The following MASTL variants were observed in gnomAD, a reference collection of about 807,000 sequenced individuals.
MASTL encodes serine/threonine-protein kinase greatwall.
A neutral mutation model predicts 82.5 loss-of-function variants in MASTL; 54 were observed. That is an observed-to-expected ratio of 0.65 (90% confidence interval 0.53 to 0.82). The LOEUF (loss-of-function observed/expected upper bound fraction) is 0.82, where lower values mean the gene tolerates loss of function less well. MASTL is among the 40% of genes least tolerant of loss of function. The pLI, the probability that MASTL is intolerant of heterozygous loss-of-function variation, is 0.00. For synonymous variants in MASTL, 323 were observed against 368.9 expected, an observed-to-expected ratio of 0.88 and a Z score of 1.43; for missense variants, 950 against 1,047.8, an observed-to-expected ratio of 0.91 and a Z score of 1.29.
chr10:27,165,082 T>G lies in MASTL; in HGVS notation c.572T>G (p.Ile191Ser). Residue 191 changes from isoleucine to serine, a missense_variant, in exon 5 of 12, where the codon ATC (isoleucine) becomes AGC (serine). Ile to Ser is a moderately radical substitution (Grantham distance 142). Transcript: ENST00000375940. Reference sequence around the variant, plus strand: ...TACATAGATATTAATATGATGGATATCCTTACAACACCATCAATGGCAAAA... The same window carrying G: ...TACATAGATATTAATATGATGGATAGCCTTACAACACCATCAATGGCAAAA... ...TLNRDINMMDILTTPSMAKPR... is the reference protein window; with the variant it reads ...TLNRDINMMDSLTTPSMAKPR... The G allele has an allele frequency of 1.2e-6, 2 of 1,602,742 alleles. No homozygotes were observed. Among genetic ancestry groups the G allele is most frequent in the Non-Finnish European group, 1.7e-6 (2 of 1,169,672 alleles).
At chr10:27,184,106 T>C (rs531393669) in intron 11 of MASTL, among the ~76,000 whole-genome samples, 1 of 152,308 alleles carries the variant, frequency 6.6e-6, no homozygotes, top group South Asian at 2.1e-4. Context: ...CTAGGGATGA[T>C]CTAGACTCAG....
intron 4 of MASTL, among the ~76,000 whole-genome samples, chr10:27,163,532 C>G (rs577757119): frequency 6.6e-6 from 1 of 151,660 alleles, no homozygotes; most frequent in Non-Finnish European, 1.5e-5. Context: ...ATATCATATA[C>G]GTGTATTATT....
intron 8 of MASTL, among the ~76,000 whole-genome samples, chr10:27,171,658 CGT>C (rs2057943484): frequency 6.6e-6 from 1 of 151,486 alleles, no homozygotes; most frequent in Non-Finnish European, 1.5e-5. Context: ...ATCTCAAACT[CGT>C]GACCTCAAGC....
chr10:27,169,853 G>T, intron 7 of MASTL, 91 bp from the exon 8 acceptor site: 1 of 1,257,648 alleles, frequency 8.0e-7, no homozygotes, highest in Non-Finnish European at 1.1e-6. Context: ...ATAGTTTATG[G>T]GGTCATTTAT....
At chr10:27,184,557 T>TC (rs1269474645) in intron 11 of MASTL, among the ~76,000 whole-genome samples, 23 of 130,332 alleles carry the variant, frequency 1.8e-4, no homozygotes, top group Middle Eastern at 3.3e-3. Flanking sequence ...AAGAAGGATT[T>TC]TTTTTTTTTT....
intron 1 of MASTL, among the ~76,000 whole-genome samples, chr10:27,157,867 A>C (rs2057445641): frequency 6.6e-6 from 1 of 152,034 alleles, no homozygotes; most frequent in Non-Finnish European, 1.5e-5. Flanking sequence ...AAAAATCAGA[A>C]GTTAAAAAAA....
In MASTL at chr10:27,165,114, C is replaced by G; in HGVS notation, c.604C>G (p.Gln202Glu). The stretch of plus-strand genomic sequence containing the variant: ...AACACCATCAATGGCAAAACCTAGA[C>G]AAGATTATTCAAGAACCCCAGGACA... ...LTTPSMAKPR[Q>E]DYSRTPGQVL... Residue 202 changes from glutamine to glutamate, a missense_variant, in exon 5 of 12, where the codon CAA (glutamine) becomes GAA (glutamate). By Grantham distance (29) the Gln-to-Glu change is conservative. Coordinates refer to ENST00000375940, the MANE Select transcript of MASTL (RefSeq NM_001172303.3). 1 of 1,613,342 alleles carries G rather than the reference C, an allele frequency of 6.2e-7. No homozygotes were observed. Among genetic ancestry groups the G allele is most frequent in the African/African-American group, 1.3e-5 (1 of 74,974 alleles).
upstream of MASTL, chr10:27,155,094 G>A (rs2135927284): frequency 3.1e-6 from 1 of 317,796 alleles, no homozygotes; most frequent in Non-Finnish European, 6.0e-6. Flanking sequence ...GGGAAGCCAG[G>A]AGAAATCTCT....
Position 27,167,098 on chromosome 10 carries a change from A to C in MASTL, c.812-4A>C, listed in dbSNP as rs372388303. 6.2e-7 allele frequency: 1 copy of C among 1,610,972 alleles called. No individual in the cohort carries two copies. ...TGGAATTCAATATTGTCTCTTCTCT[A>C]TAGGTCTTGAAACAGTTGCCTCCAA... is the stretch of plus-strand genomic sequence containing the variant. On this transcript the variant is annotated splice_polypyrimidine_tract_variant and splice_region_variant and intron_variant, in intron 6 of 11. Transcript: ENST00000375940.
intron 8 of MASTL, 61 bp downstream of exon 8, chr10:27,171,144 T>G (rs2057920560): frequency 7.1e-7 from 1 of 1,405,966 alleles, no homozygotes; most frequent in South Asian, 1.2e-5. Flanking sequence ...AAGACAGACA[T>G]TTGCCTCTAA....
At chr10:27,175,334 C>CA (rs1432016633) in intron 9 of MASTL, among the ~76,000 whole-genome samples, 1 of 152,072 alleles carries the variant, frequency 6.6e-6, no homozygotes, top group Non-Finnish European at 1.5e-5. Context: ...AGGCATGCGC[C>CA]ACCATGCCCG....
chr10:27,182,803 A>G (rs1197456414), intron 11 of MASTL, among the ~76,000 whole-genome samples: 1 of 147,578 alleles, frequency 6.8e-6, no homozygotes, highest in Non-Finnish European at 1.5e-5. Context: ...TTTTTTTAAC[A>G]TACGTTATTA....
At chr10:27,158,450 T>G in intron 1 of MASTL, 99 bp from the exon 2 acceptor site, 1 of 960,054 alleles carries the variant, frequency 1.0e-6, no homozygotes, top group Non-Finnish European at 1.6e-6. Context: ...AAGGCTGCAA[T>G]AAGCTTTGAT....
At position 27,159,716 on chromosome 10, in the gene MASTL, C is replaced by T; in HGVS notation, c.422C>T (p.Ala141Val). 3 of 1,610,668 alleles carry T rather than the reference C, an allele frequency of 1.9e-6. No individual in the cohort carries two copies. The highest frequency in any genetic ancestry group is 2.5e-6 in the Non-Finnish European group (3 of 1,177,074). Residue 141 changes from alanine (A) to valine (V), a missense_variant, in exon 3 of 12, where the codon GCA (alanine) becomes GTA (valine). Physicochemically the swap from Ala to Val is moderately conservative, Grantham distance 64 (BLOSUM62 0). Coordinates refer to ENST00000375940, the MANE Select transcript of MASTL (RefSeq NM_001172303.3). The surrounding 1 kb of genome is among the most constrained non-coding windows in gnomAD (Gnocchi z 4.0). Reference protein sequence around the residue: ...EMAVKYISEVALALDYLHRHG... With the variant: ...EMAVKYISEVVLALDYLHRHG... ...GCTGTGAAATATATTTCTGAAGTAG[C>T]ACTGGCTCTAGACTACCTTCACAGA...
Position 27,171,093 on chromosome 10 carries a change from T to A in MASTL, c.2124+10T>A. 6.2e-7 allele frequency: 1 copy of A among 1,611,772 alleles called. No homozygotes were observed. Among genetic ancestry groups the A allele is most frequent in the Middle Eastern group, 1.6e-4 (1 of 6,062 alleles). ...CTGTATGCCACATCAGGTATATTTA[T>A]AACTTTCTAATACTGTTTTTTGGAT... On this transcript the variant is annotated intron_variant, in intron 8 of 11. Transcript: ENST00000375940.
chr10:27,163,636 T>C (rs2057645596), intron 4 of MASTL, among the ~76,000 whole-genome samples: 3 of 147,524 alleles, frequency 2.0e-5, no homozygotes, highest in Admixed American at 6.9e-5. Context: ...TTTTTTTTTT[T>C]CTTTGAGACA....
chr10:27,185,618 CAAAAAAA>C lies in MASTL; in HGVS notation c.2483-747_2483-741del, dbSNP rs34847161. Among the ~76,000 whole-genome samples the C allele has an allele frequency of 2.5e-4, 25 of 98,554 alleles. No individual in the cohort carries two copies. In the South Asian group the frequency reaches 4.4e-3, roughly 17 times the overall value. The allele number at this position is 98,554 out of a possible 152,430, so 64.7% of individuals were successfully genotyped here. On this transcript the variant is annotated intron_variant, in intron 11 of 11. Transcript: ENST00000375940. The stretch of plus-strand genomic sequence containing the variant: ...ATTGCACTCCAGCCTAGGTGACAGA[CAAAAAAA>C]AAAAAAAAAAAAATTAGCCAGGCAT...
chr10:27,176,450 A>G lies in MASTL; in HGVS notation c.2266+3191A>G, dbSNP rs560034011. Among the ~76,000 whole-genome samples, 74 of 152,320 alleles carry G rather than the reference A, an allele frequency of 4.9e-4. 3 individuals carry two copies. In the South Asian group the frequency reaches 0.015, roughly 31 times the overall value. ...AGTGGCTCCCTCTTAGCTGCTAAGT[A>G]AAATCCAAATTGATCACGACATTTG... On this transcript the variant is annotated intron_variant, in intron 9 of 11. Coordinates refer to ENST00000375940, the MANE Select transcript of MASTL (RefSeq NM_001172303.3).
In MASTL at chr10:27,159,830, T is replaced by G. The variant is rs1163248515; in HGVS notation, c.464+72T>G. 7.6e-7 allele frequency: 1 copy of G among 1,318,290 alleles called. No individual in the cohort carries two copies. The highest frequency in any genetic ancestry group is 1.2e-5 in the South Asian group (1 of 84,846). The allele number at this position is 1,318,290 out of a possible 1,614,324, so 81.7% of individuals were successfully genotyped here. A position where few individuals can be genotyped will look rare whatever the true frequency, so the allele number is the denominator to read the frequency against. On this transcript the variant is annotated intron_variant, in intron 3 of 11. Transcript: ENST00000375940. This position sits in a 1 kb window ranked among gnomAD's most constrained non-coding sequence, Gnocchi z 4.0. ...AAATTACATATTTGAGTCTCAGATA[T>G]TCACAGTAACCACTTGCACTTATTT...
Sources: gnomAD v4.1 joint callset for allele counts (sites outside exome capture counted in the v4.1 genomes callset) on GRCh38, gnomAD v4.1.1 for gene constraint, Gnocchi (gnomAD v3.1) non-coding constraint, MANE v1.5 for transcripts, NCBI Gene and HGNC (gene_info 2026-07-23, HGNC 2026-07-21) for gene names.